Variants in CAMTA1 observed in about 807,000 individuals in gnomAD.
CAMTA1 encodes calmodulin binding transcription activator 1, also known as calmodulin-binding transcription activator 1.
A neutral mutation model predicts 170.9 loss-of-function variants in CAMTA1; 27 were observed. The observed-to-expected ratio is 0.16, with a 90% CI of 0.12 to 0.22. CAMTA1 has a LOEUF of 0.22. Ranked by LOEUF, CAMTA1 falls within the 10% of genes least tolerant of loss-of-function variation. CAMTA1 has a pLI of 1.00. For synonymous variants in CAMTA1, 833 were observed against 891.5 expected (o/e 0.93, Z 1.17); for missense variants, 1,619 against 2,217.2 (o/e 0.73, Z 5.42).
chr1:7,085,327 C>T (rs1640597052), intron 3 of CAMTA1, among the ~76,000 whole-genome samples: 1 of 152,242 alleles, frequency 6.6e-6, no homozygotes, highest in South Asian at 2.1e-4. Flanking sequence ...ATGGGAGCCT[C>T]AGGCATGGGC....
chr1:6,921,293 A>G (rs1336831466), intron 3 of CAMTA1, among the ~76,000 whole-genome samples: 4 of 152,252 alleles, frequency 2.6e-5, no homozygotes, highest in African/African-American at 4.8e-5. Context: ...GCTAAAACTT[A>G]ACAAGAGTCA....
intron 12 of CAMTA1, among the ~76,000 whole-genome samples, chr1:7,734,694 T>C (rs894612546): frequency 7.9e-5 from 12 of 152,202 alleles, no homozygotes; most frequent in African/African-American, 2.9e-4. Context: ...TGTAGGTGTT[T>C]TTACAGCTTT....
At chr1:7,582,971 G>A (rs961805398) in intron 6 of CAMTA1, among the ~76,000 whole-genome samples, 5 of 151,920 alleles carry the variant, frequency 3.3e-5, no homozygotes, top group South Asian at 2.1e-4. Context: ...CCTAGCTGCT[G>A]GGTGTAAAAG....
At chr1:7,098,236 A>G (rs1236561234) in intron 4 of CAMTA1, among the ~76,000 whole-genome samples, 1 of 152,210 alleles carries the variant, frequency 6.6e-6, no homozygotes, top group Non-Finnish European at 1.5e-5. Context: ...GCACTTTGGA[A>G]CTATGCAGGA....
chr1:6,822,885 C>A (rs1202139456), intron 2 of CAMTA1, among the ~76,000 whole-genome samples: 2 of 151,830 alleles, frequency 1.3e-5, no homozygotes, highest in Non-Finnish European at 2.9e-5. Flanking sequence ...CTCGAAGAGG[C>A]TAAAAGAACA....
Position 7,495,505 on chromosome 1 carries a change from C to T in CAMTA1, c.510+27604C>T, listed in dbSNP as rs568219192. On this transcript the variant is annotated intron_variant, in intron 6 of 22. Transcript: ENST00000303635. ...CCTTGACCACCAGCTGGCATCTACC[C>T]GGCTTGGGCATGGCAGGGCCCCACA... 9.3e-4 allele frequency among the ~76,000 whole-genome samples: 141 copies of T among 152,308 alleles called. 1 individual carries two copies. The highest frequency in any genetic ancestry group is 3.3e-3 in the African/African-American group (136 of 41,564).
At chr1:6,913,191 C>T (rs752077922) in intron 3 of CAMTA1, among the ~76,000 whole-genome samples, 1 of 152,190 alleles carries the variant, frequency 6.6e-6, no homozygotes, top group Non-Finnish European at 1.5e-5. Flanking sequence ...GCCAGTTTCT[C>T]CTTTAGGTCC....
At chr1:7,548,479 T>C (rs4908466) in intron 6 of CAMTA1, among the ~76,000 whole-genome samples, 52,730 of 99,150 alleles carry the variant, frequency 0.53, 10,861 homozygotes, top group South Asian at 0.68. Context: ...GTGGAGGTGC[T>C]GGTGGAGGGT....
chr1:6,926,486 TTC>T (rs1186679826), intron 3 of CAMTA1, among the ~76,000 whole-genome samples: 83 of 134,830 alleles, frequency 6.2e-4, no homozygotes, highest in African/African-American at 1.4e-3. Flanking sequence ...CTTTCTTTCT[TTC>T]TCTCTCTCTT....
At chr1:7,655,671 A>T (rs961901169) in intron 7 of CAMTA1, among the ~76,000 whole-genome samples, 7 of 150,922 alleles carry the variant, frequency 4.6e-5, no homozygotes, top group Non-Finnish European at 1.0e-4. Flanking sequence ...CTATGCACAC[A>T]CACTGATACA....
chr1:6,935,893 G>A (rs1685224502), intron 3 of CAMTA1, among the ~76,000 whole-genome samples: 2 of 152,148 alleles, frequency 1.3e-5, no homozygotes, highest in African/African-American at 4.8e-5. Flanking sequence ...AGTCTGGAGG[G>A]GTGGGCTCAG....
intron 4 of CAMTA1, among the ~76,000 whole-genome samples, chr1:7,145,255 G>T (rs986556792): frequency 3.3e-5 from 5 of 152,232 alleles, no homozygotes; most frequent in Non-Finnish European, 5.9e-5. Flanking sequence ...CCGCTCCTCT[G>T]CGGCTTATGT....
intron 3 of CAMTA1, among the ~76,000 whole-genome samples, chr1:6,920,636 T>C (rs1301139732): frequency 2.6e-5 from 4 of 152,242 alleles, no homozygotes; most frequent in Non-Finnish European, 4.4e-5. Flanking sequence ...CAGCAAACTT[T>C]TTCCTGGGCA....
intron 5 of CAMTA1, among the ~76,000 whole-genome samples, chr1:7,381,935 T>C (rs544425801): frequency 1.2e-4 from 19 of 152,258 alleles, no homozygotes; most frequent in African/African-American, 4.3e-4. Context: ...TGGGAAACGA[T>C]TGGTTAGAGG....
In CAMTA1 at chr1:7,685,771, C is replaced by T. The variant is rs138864461; in HGVS notation, c.2914+8038C>T. Reference sequence around the variant, plus strand: ...TCTTGGATCCAGGCCATCCATCTAACGGCCTACAGGGCAGCTTGACCCACG... The same window carrying T: ...TCTTGGATCCAGGCCATCCATCTAATGGCCTACAGGGCAGCTTGACCCACG... On this transcript the variant is annotated intron_variant, in intron 11 of 22. Transcript: ENST00000303635. The surrounding 1 kb of genome is among the most constrained non-coding windows in gnomAD (Gnocchi z 5.7). Among the ~76,000 whole-genome samples the T allele has an allele frequency of 1.9e-3, 290 of 152,320 alleles. 2 individuals carry two copies. Among genetic ancestry groups the T allele is most frequent in the Non-Finnish European group, 3.2e-3 (219 of 68,024 alleles).
intron 11 of CAMTA1, chr1:7,693,612 A>T (rs2096342376): frequency 6.6e-6 from 1 of 152,278 alleles, no homozygotes; most frequent in Non-Finnish European, 1.5e-5. Context: ...TACAGATTAA[A>T]ATCAGCCAAG....
chr1:7,713,313 G>A (rs1277682203), intron 11 of CAMTA1, among the ~76,000 whole-genome samples: 1 of 152,198 alleles, frequency 6.6e-6, no homozygotes, highest in African/African-American at 2.4e-5. Flanking sequence ...AGGAGGAAGA[G>A]TATGGACCAA....
intron 3 of CAMTA1, among the ~76,000 whole-genome samples, chr1:7,077,713 G>C (rs924968817): frequency 6.6e-6 from 1 of 152,042 alleles, no homozygotes; most frequent in African/African-American, 2.4e-5. Flanking sequence ...ATGAGCATCG[G>C]TGTTTTTCTG....
rs541102818 is a variant in CAMTA1 at position 7,528,550 on chromosome 1, C to T, written c.510+60649C>T. 6.6e-5 allele frequency among the ~76,000 whole-genome samples: 10 copies of T among 152,112 alleles called. No individual in the cohort carries two copies. In the East Asian group the frequency reaches 1.2e-3, roughly 18 times the overall value. On this transcript the variant is annotated intron_variant, in intron 6 of 22. Transcript: ENST00000303635. Reference sequence around the variant, plus strand: ...AGCTCTGAGTCAGGCTGGTATCTGACTTTTGCTGTCAGCGTCTGCATTGGT... The same window carrying T: ...AGCTCTGAGTCAGGCTGGTATCTGATTTTTGCTGTCAGCGTCTGCATTGGT...
Sources: gnomAD v4.1 joint callset for allele counts (sites outside exome capture counted in the v4.1 genomes callset) on GRCh38, gnomAD v4.1.1 for gene constraint, Gnocchi (gnomAD v3.1) non-coding constraint, MANE v1.5 for transcripts, NCBI Gene and HGNC (gene_info 2026-07-23, HGNC 2026-07-21) for gene names.